Variants in RTL4 observed in about 807,000 individuals in gnomAD.
RTL4 encodes retrotransposon Gag-like protein 4.
A neutral mutation model predicts 5.3 loss-of-function variants in RTL4; 4 were observed. The observed-to-expected ratio is 0.75, with a 90% confidence interval of 0.37 to 1.72. RTL4 has a LOEUF of 1.72. Ranked by LOEUF, RTL4 falls within the 40% of genes most tolerant of loss-of-function variation. RTL4 has a pLI of 0.04. For synonymous variants in RTL4, 98 were observed against 87.3 expected, an observed-to-expected ratio of 1.12 and a Z score of -0.68; for missense variants, 260 against 227.1, an observed-to-expected ratio of 1.14 and a Z score of -0.93.
chrX:112,159,872 C>T, the RTL4 span, among the ~76,000 whole-genome samples: 1 of 111,138 alleles, frequency 9.0e-6, no homozygotes, highest in African/African-American at 3.3e-5. Context: ...TTGCAACGCT[C>T]TTTCCCCTCC....
chrX:112,287,088 C>T, the RTL4 span, among the ~76,000 whole-genome samples: 1 of 111,811 alleles, frequency 8.9e-6, no homozygotes, highest in African/African-American at 3.2e-5. Context: ...GCAGGAAAAA[C>T]GTCTTACTTA....
At chrX:112,196,135 C>G in the RTL4 span, among the ~76,000 whole-genome samples, 89 of 111,496 alleles carry the variant, frequency 8.0e-4, no homozygotes, top group Non-Finnish European at 1.4e-3. Flanking sequence ...GACACTCCCA[C>G]TTCTCCCATC....
At chrX:112,390,154 TATATATTTAG>T in the RTL4 span, among the ~76,000 whole-genome samples, 1 of 56,641 alleles carries the variant, frequency 1.8e-5, no homozygotes, top group Non-Finnish European at 3.2e-5. Flanking sequence ...TATATATATA[TATATATTTAG>T]GATCGTGGCC....
the RTL4 span, among the ~76,000 whole-genome samples, chrX:112,126,654 C>T: frequency 8.9e-6 from 1 of 112,014 alleles, no homozygotes; most frequent in Non-Finnish European, 1.9e-5. Flanking sequence ...ACAAAACTGA[C>T]AAGCATTTAA....
At chrX:112,352,908 G>T in the RTL4 span, among the ~76,000 whole-genome samples, 1 of 111,187 alleles carries the variant, frequency 9.0e-6, no homozygotes, top group Non-Finnish European at 1.9e-5. Context: ...TACAAAATGG[G>T]AGAAAATTTT....
the RTL4 span, among the ~76,000 whole-genome samples, chrX:112,216,175 C>T: frequency 2.7e-5 from 3 of 111,590 alleles, no homozygotes; most frequent in Non-Finnish European, 5.6e-5. Flanking sequence ...TTTGAAACAC[C>T]TACTGCCTTG....
At chrX:112,358,268 C>T in the RTL4 span, among the ~76,000 whole-genome samples, 1 of 95,765 alleles carries the variant, frequency 1.0e-5, no homozygotes, top group Non-Finnish European at 2.0e-5. Context: ...GGCCAGTTAA[C>T]TTATGCATTT....
the RTL4 span, among the ~76,000 whole-genome samples, chrX:112,440,170 G>T: frequency 1.8e-5 from 2 of 111,998 alleles, no homozygotes; most frequent in South Asian, 7.5e-4. Context: ...CCATTTGATG[G>T]CTGGTTCTTT....
the RTL4 span, among the ~76,000 whole-genome samples, chrX:112,208,947 G>A: frequency 1.8e-5 from 2 of 112,366 alleles, no homozygotes; most frequent in Non-Finnish European, 3.8e-5. Context: ...TGGGCACTCA[G>A]CAGTGGCCAT....
At chrX:112,101,734 T>C in the RTL4 span, among the ~76,000 whole-genome samples, 7 of 111,117 alleles carry the variant, frequency 6.3e-5, no homozygotes, top group Non-Finnish European at 1.9e-5. Flanking sequence ...TAATAGGATA[T>C]TTGCAAATGT....
the RTL4 span, among the ~76,000 whole-genome samples, chrX:112,250,278 C>CAA: frequency 1.5e-5 from 1 of 68,315 alleles, no homozygotes; most frequent in African/African-American, 5.4e-5. Flanking sequence ...GACTCTGTCT[C>CAA]AAAAAAAAAA....
At chrX:112,198,547 G>A in the RTL4 span, among the ~76,000 whole-genome samples, 15 of 111,890 alleles carry the variant, frequency 1.3e-4, no homozygotes, top group African/African-American at 4.5e-4. Context: ...GAGAGCTGCA[G>A]TAAAAGATCA....
At chrX:112,326,301 G>A in the RTL4 span, among the ~76,000 whole-genome samples, 16 of 111,736 alleles carry the variant, frequency 1.4e-4, no homozygotes, top group Non-Finnish European at 2.1e-4. Context: ...TGTGCGCACC[G>A]TGCATGAGCT....
the RTL4 span, among the ~76,000 whole-genome samples, chrX:112,296,423 G>A: frequency 1.8e-5 from 2 of 110,423 alleles, no homozygotes; most frequent in African/African-American, 6.6e-5. Flanking sequence ...ATTACACCCT[G>A]TATTTTGTTC....
chrX:112,109,214 A>G, the RTL4 span, among the ~76,000 whole-genome samples: 2 of 111,731 alleles, frequency 1.8e-5, no homozygotes, highest in East Asian at 2.8e-4. Context: ...TGAGGAGACA[A>G]TCTCTGGAGA....
the RTL4 span, among the ~76,000 whole-genome samples, chrX:112,287,857 C>G: frequency 4.5e-5 from 5 of 111,691 alleles, no homozygotes; most frequent in African/African-American, 1.3e-4. Flanking sequence ...AAATCTGACC[C>G]CTAGTTAAGT....
chrX:112,211,856 T>C, the RTL4 span, among the ~76,000 whole-genome samples: 2 of 111,873 alleles, frequency 1.8e-5, no homozygotes, highest in Non-Finnish European at 3.8e-5. Context: ...CACAGTTTAG[T>C]TGGGGAATGA....
chrX:112,250,483 G>A, the RTL4 span, among the ~76,000 whole-genome samples: 1 of 111,579 alleles, frequency 9.0e-6, no homozygotes, highest in Non-Finnish European at 1.9e-5. Flanking sequence ...AGGATGTGAT[G>A]TAGACCCAGT....
the RTL4 span, among the ~76,000 whole-genome samples, chrX:112,341,639 GA>G: frequency 3.6e-5 from 4 of 111,817 alleles, no homozygotes; most frequent in East Asian, 1.1e-3. Flanking sequence ...ATGACTGGAA[GA>G]AGTTATTAAC....
Sources: gnomAD v4.1 joint callset for allele counts (sites outside exome capture counted in the v4.1 genomes callset) on GRCh38, gnomAD v4.1.1 for gene constraint, MANE v1.5 for transcripts, NCBI Gene and HGNC (gene_info 2026-07-23, HGNC 2026-07-21) for gene names.